MTURN: variants seen among roughly 807,000 people sequenced by gnomAD.
The protein encoded by MTURN is maturin.
In MTURN, 7 loss-of-function variants were observed where a neutral mutation model predicts 14.9. That is an observed-to-expected ratio of 0.47 (90% CI 0.27 to 0.88). The LOEUF is 0.88. Among genes scored for constraint, MTURN ranks in the 40% least tolerant of loss-of-function variants. MTURN has a pLI of 0.14. For synonymous variants in MTURN, 69 were observed against 72.5 expected (o/e 0.95, Z 0.25); for missense variants, 151 against 174.1 (o/e 0.87, Z 0.75).
In MTURN at chr7:30,140,262, T is replaced by A. The variant is rs548719583; in HGVS notation, c.162+4964T>A. On this transcript the variant is annotated intron_variant, in intron 1 of 2. Coordinates refer to ENST00000324453, the MANE Select transcript of MTURN (RefSeq NM_152793.3). The stretch of plus-strand genomic sequence containing the variant: ...CCTTTCCTGTCAGCCCAAAGACACG[T>A]TGGACTCTAAAATTTTGTATAGTTT... Among the ~76,000 whole-genome samples the A allele has an allele frequency of 1.7e-4, 26 of 152,224 alleles. 1 individual carries two copies. In the South Asian group the frequency reaches 5.0e-3, roughly 29 times the overall value.
chr7:30,157,086 A>G (rs1281875558), intron 2 of MTURN, among the ~76,000 whole-genome samples: 1 of 152,166 alleles, frequency 6.6e-6, no homozygotes, highest in Non-Finnish European at 1.5e-5. Context: ...TCAGTTTTTG[A>G]CATCTTGGTG....
intron 2 of MTURN, among the ~76,000 whole-genome samples, chr7:30,150,461 T>C (rs543762925): frequency 2.6e-5 from 4 of 152,220 alleles, no homozygotes; most frequent in Non-Finnish European, 4.4e-5. Context: ...TAGGACTCCA[T>C]AGAGGACCAG....
chr7:30,137,746 C>A, intron 1 of MTURN: 1 of 453,168 alleles, frequency 2.2e-6, no homozygotes, highest in Non-Finnish European at 4.6e-6. Context: ...TAGTTCTTTT[C>A]TTTTTCCCTG....
At chr7:30,147,709 A>G (rs1363545401) in intron 2 of MTURN, among the ~76,000 whole-genome samples, 2 of 152,206 alleles carry the variant, frequency 1.3e-5, no homozygotes, top group Non-Finnish European at 2.9e-5. Flanking sequence ...GTCATTCTCA[A>G]TGAAAGAGTT....
intron 2 of MTURN, among the ~76,000 whole-genome samples, chr7:30,156,623 G>A (rs1285531504): frequency 1.3e-5 from 2 of 152,140 alleles, no homozygotes; most frequent in Non-Finnish European, 2.9e-5. Flanking sequence ...TCAGAAGATC[G>A]AGACCACCCA....
At position 30,135,231 on chromosome 7, in the gene MTURN, AT is replaced by A; in HGVS notation, c.98del (p.Phe33SerfsTer37). The A allele has an allele frequency of 6.6e-7, 1 of 1,518,228 alleles. No homozygotes were observed. Among genetic ancestry groups the A allele is most frequent in the Non-Finnish European group, 8.8e-7 (1 of 1,131,326 alleles). The allele number at this position is 1,518,228 out of a possible 1,614,324, so 94.0% of individuals were successfully genotyped here. On this transcript the variant is annotated frameshift_variant, in exon 1 of 3. Coordinates refer to ENST00000324453, the MANE Select transcript of MTURN (RefSeq NM_152793.3). LOFTEE classifies it high-confidence loss of function. ...IATEETERRM[D>X]FYADPGVSFY... ...ACCGAGGAGACCGAACGCAGGATGG[AT>A]TTCTACGCCGACCCCGGCGTCTCCT... is the stretch of plus-strand genomic sequence containing the variant.
chr7:30,140,179 G>C (rs1797027250), intron 1 of MTURN, among the ~76,000 whole-genome samples: 1 of 152,078 alleles, frequency 6.6e-6, no homozygotes, highest in South Asian at 2.1e-4. Flanking sequence ...CCCATCTGGG[G>C]GCCTGGATCC....
chr7:30,145,762 G>C, intron 1 of MTURN: 2 of 1,380,684 alleles, frequency 1.4e-6, no homozygotes, highest in East Asian at 5.0e-5. Flanking sequence ...TACAAACTAT[G>C]CTTAATTAAT....
chr7:30,140,415 G>GTGTATATATATATATATATATA (rs33952294), intron 1 of MTURN, among the ~76,000 whole-genome samples: 111 of 143,810 alleles, frequency 7.7e-4, no homozygotes, highest in Admixed American at 3.4e-3. Context: ...GTGTGTGTGT[G>GTGTATATATATATATATATATA]TATCCCCATT....
At chr7:30,140,813 G>C (rs769111480) in intron 1 of MTURN, 1 of 152,176 alleles carries the variant, frequency 6.6e-6, no homozygotes, top group Non-Finnish European at 1.5e-5. Flanking sequence ...AAGTGGATGG[G>C]CATAATCGCT....
chr7:30,136,078 C>G (rs1019119675), intron 1 of MTURN, among the ~76,000 whole-genome samples: 2 of 152,252 alleles, frequency 1.3e-5, no homozygotes, highest in African/African-American at 4.8e-5. Context: ...CCTCTCTGAG[C>G]TGCCCGAGAG....
intron 2 of MTURN, among the ~76,000 whole-genome samples, chr7:30,150,417 G>T (rs76863350): frequency 0.025 from 3,808 of 152,298 alleles, 58 homozygotes; most frequent in Middle Eastern, 0.075. Context: ...CATTCACTGA[G>T]TACCTGATCC....
At chr7:30,137,193 C>G (rs928424679) in intron 1 of MTURN, 1 of 159,724 alleles carries the variant, frequency 6.3e-6, no homozygotes, top group East Asian at 1.8e-4. Context: ...TGGCTAGGGT[C>G]CCTTCCAGCT....
At chr7:30,146,084 A>T in intron 1 of MTURN, 93 bp from the exon 2 acceptor site, 13 of 1,599,594 alleles carry the variant, frequency 8.1e-6, no homozygotes, top group Non-Finnish European at 1.1e-5. Context: ...AATTGATGTT[A>T]TTAAGAAAAT....
intron 1 of MTURN, chr7:30,141,426 AAAAAAAAG>A: frequency 6.6e-6 from 1 of 152,034 alleles, no homozygotes. Flanking sequence ...AAAAAAAAAA[AAAAAAAAG>A]AGAAAAAAAG....
chr7:30,152,393 T>C (rs1797224987), intron 2 of MTURN, among the ~76,000 whole-genome samples: 1 of 152,162 alleles, frequency 6.6e-6, no homozygotes, highest in South Asian at 2.1e-4. Flanking sequence ...CCAAATGCTT[T>C]AGAGTCCTAC....
intron 2 of MTURN, among the ~76,000 whole-genome samples, chr7:30,148,603 G>A (rs769431701): frequency 1.3e-5 from 2 of 152,222 alleles, no homozygotes; most frequent in Non-Finnish European, 2.9e-5. Flanking sequence ...CGGCAGAGGC[G>A]GGGTGAGGGG....
chr7:30,138,272 G>T (rs967999831), intron 1 of MTURN, among the ~76,000 whole-genome samples: 3 of 151,918 alleles, frequency 2.0e-5, no homozygotes, highest in Non-Finnish European at 2.9e-5. Flanking sequence ...TGCACCCCAC[G>T]CCCAGCTAAT....
At chr7:30,148,138 AAG>A (rs1797155080) in intron 2 of MTURN, among the ~76,000 whole-genome samples, 2 of 152,228 alleles carry the variant, frequency 1.3e-5, no homozygotes, top group African/African-American at 4.8e-5. Context: ...ATGGGGTAAA[AAG>A]TGTCAGGGGT....
Sources: allele counts gnomAD v4.1 joint callset (sites outside exome capture counted in the v4.1 genomes callset), GRCh38; gene constraint gnomAD v4.1.1; transcripts MANE v1.5; gene names NCBI Gene and HGNC (gene_info 2026-07-23, HGNC 2026-07-21).